KLF15: variants seen among roughly 807,000 people sequenced by gnomAD.
KLF15 encodes KLF transcription factor 15, also known as Krueppel-like factor 15.
In KLF15, 4 loss-of-function variants were observed where a neutral mutation model predicts 24.6. The observed-to-expected ratio is 0.16, with a 90% CI of 0.08 to 0.37. The LOEUF is 0.37. Among genes scored for constraint, KLF15 ranks in the 10% least tolerant of loss-of-function variants. The probability of loss-of-function intolerance (pLI) is 1.00; values close to 1 mark genes in which losing one functional copy is unlikely to be tolerated. For synonymous variants in KLF15, 246 were observed against 236.3 expected (o/e 1.04, Z -0.37); for missense variants, 496 against 560.6 (o/e 0.88, Z 1.16).
chr3:126,351,806 G>A, intron 2 of KLF15, 35 bp downstream of exon 2: 1 of 1,584,572 alleles, frequency 6.3e-7, no homozygotes, highest in Non-Finnish European at 8.6e-7. Context: ...GAGTGGCTGT[G>A]CTCACTGCCC....
chr3:126,317,443 A>G, the KLF15 span, among the ~76,000 whole-genome samples: 1 of 152,142 alleles, frequency 6.6e-6, no homozygotes, highest in Non-Finnish European at 1.5e-5. Context: ...CAACTTCGCG[A>G]TAAGATCTCA....
chr3:126,342,061 G>A (rs146179643), downstream of KLF15, among the ~76,000 whole-genome samples: 14 of 152,264 alleles, frequency 9.2e-5, no homozygotes, highest in East Asian at 1.9e-4. Context: ...ACCACACAGC[G>A]AAGACCCCAG....
chr3:126,319,834 C>G, the KLF15 span, among the ~76,000 whole-genome samples: 89 of 152,266 alleles, frequency 5.8e-4, no homozygotes, highest in Admixed American at 9.8e-4. Flanking sequence ...GTCAAGCCCA[C>G]TGGCTCGGGG....
At chr3:126,321,415 G>A in the KLF15 span, among the ~76,000 whole-genome samples, 1 of 152,262 alleles carries the variant, frequency 6.6e-6, no homozygotes, top group Non-Finnish European at 1.5e-5. Flanking sequence ...CCCCTGCAAA[G>A]GCTGTGGCTC....
chr3:126,306,054 C>T, the KLF15 span, among the ~76,000 whole-genome samples: 1 of 152,194 alleles, frequency 6.6e-6, no homozygotes, highest in South Asian at 2.1e-4. Flanking sequence ...GCAGAGGCAG[C>T]ACTACAACTT....
chr3:126,334,202 C>T, the KLF15 span, among the ~76,000 whole-genome samples: 11 of 151,986 alleles, frequency 7.2e-5, no homozygotes, highest in Non-Finnish European at 1.5e-4. Flanking sequence ...TGTAAAAGAA[C>T]AGAAATTATA....
chr3:126,292,248 G>A, the KLF15 span, among the ~76,000 whole-genome samples: 3 of 152,160 alleles, frequency 2.0e-5, no homozygotes, highest in Non-Finnish European at 4.4e-5. Context: ...TAACAGGTGG[G>A]AAGAGTTCCA....
intron 1 of KLF15, among the ~76,000 whole-genome samples, chr3:126,353,296 G>A (rs2082602901): frequency 1.3e-5 from 2 of 152,148 alleles, no homozygotes; most frequent in African/African-American, 2.4e-5. Context: ...ACCCCAGGAG[G>A]GCCAAAGCCC....
chr3:126,294,191 G>A, the KLF15 span, among the ~76,000 whole-genome samples: 1 of 152,232 alleles, frequency 6.6e-6, no homozygotes. Context: ...CAGATCAGTG[G>A]GTGTGGGCTG....
At chr3:126,326,092 C>G in the KLF15 span, among the ~76,000 whole-genome samples, 3 of 45,208 alleles carry the variant, frequency 6.6e-5, no homozygotes, top group African/African-American at 1.8e-4. Context: ...GCTTGTTTTT[C>G]TCAGGTTTGT....
chr3:126,295,193 T>C, the KLF15 span, among the ~76,000 whole-genome samples: 3 of 152,148 alleles, frequency 2.0e-5, no homozygotes. Context: ...TATATTCCAA[T>C]AACAGCTGTC....
In KLF15 at chr3:126,352,570, T is replaced by A. The variant is rs1183894009; in HGVS notation, c.353A>T (p.Glu118Val). 6.2e-7 allele frequency: 1 copy of A among 1,612,446 alleles called. No homozygotes were observed. The highest frequency in any genetic ancestry group is 8.5e-7 in the Non-Finnish European group (1 of 1,179,928). ...AGGAAACTCGGGCAAGCAGAAATGC[T>A]CCCCCTTCACAGGGGCCGCTGCCCT... Reference protein sequence around the residue: ...WRRAAAPVKGEHFCLPEFPLG... With the variant: ...WRRAAAPVKGVHFCLPEFPLG... The change falls in exon 2 of 3, where the codon GAG (glutamate) becomes GTG (valine). Residue 118 changes from glutamate (E) to valine (V), a missense_variant. Glu to Val is a moderately radical substitution (Grantham distance 121). Transcript: ENST00000296233.
At chr3:126,350,182 A>G (rs1339508814) in intron 2 of KLF15, among the ~76,000 whole-genome samples, 1 of 152,000 alleles carries the variant, frequency 6.6e-6, no homozygotes, top group African/African-American at 2.4e-5. Flanking sequence ...AATCAAGAGC[A>G]CTCCTGGCCC....
Position 126,352,750 on chromosome 3 carries a change from T to C in KLF15, c.173A>G (p.Gln58Arg), listed in dbSNP as rs1321875166. Residue 58 changes from glutamine to arginine, a missense_variant, in exon 2 of 3, where the codon CAA becomes CGA. Coordinates refer to ENST00000296233, the MANE Select transcript of KLF15 (RefSeq NM_014079.4). Reference protein sequence around the residue: ...SPCSCSSPDSQALCSCYGGGL... With the variant: ...SPCSCSSPDSRALCSCYGGGL... ...TCCACCATAGCAGGAGCAGAGGGCT[T>C]GAGAGTCGGGACTGGAACAGGAGCA... 1.3e-6 allele frequency: 2 copies of C among 1,572,206 alleles called. No homozygotes were observed. The highest frequency in any genetic ancestry group is 1.7e-6 in the Non-Finnish European group (2 of 1,158,502).
chr3:126,301,610 CTTTTTTTTTTTT>C, the KLF15 span, among the ~76,000 whole-genome samples: 4 of 132,284 alleles, frequency 3.0e-5, no homozygotes, highest in Non-Finnish European at 6.3e-5. Context: ...TTTTCTTTTT[CTTTTTTTTTTTT>C]TTTTTTTCTG....
chr3:126,340,574 A>G (rs1401480690), downstream of KLF15, among the ~76,000 whole-genome samples: 1 of 152,126 alleles, frequency 6.6e-6, no homozygotes, highest in East Asian at 1.9e-4. Context: ...CTCATACTCT[A>G]CCTAGTACAG....
the KLF15 span, among the ~76,000 whole-genome samples, chr3:126,321,539 C>T: frequency 1.3e-5 from 2 of 152,348 alleles, no homozygotes; most frequent in South Asian, 4.1e-4. Flanking sequence ...CAGCAGGACA[C>T]GTTGTGTGGC....
chr3:126,330,470 C>G, the KLF15 span, among the ~76,000 whole-genome samples: 227 of 152,196 alleles, frequency 1.5e-3, no homozygotes, highest in African/African-American at 5.1e-3. Flanking sequence ...TCGGCCCTTC[C>G]GGACAGATAA....
At chr3:126,340,175 T>A (rs556648241), downstream of KLF15, among the ~76,000 whole-genome samples, 1 of 152,374 alleles carries the variant, frequency 6.6e-6, no homozygotes, top group Non-Finnish European at 1.5e-5. Flanking sequence ...CCTCTGCTCC[T>A]ACCTCCTTGC....
Sources: gnomAD v4.1 joint callset for allele counts (sites outside exome capture counted in the v4.1 genomes callset) on GRCh38, gnomAD v4.1.1 for gene constraint, MANE v1.5 for transcripts, NCBI Gene and HGNC (gene_info 2026-07-23, HGNC 2026-07-21) for gene names.